The following STPG2 variants were observed in gnomAD, a reference collection of about 807,000 sequenced individuals.
STPG2 encodes sperm-tail PG-rich repeat-containing protein 2.
Under a neutral mutation model 54.2 loss-of-function variants are expected in STPG2, and 56 were observed. The observed-to-expected ratio is 1.03, with a 90% CI of 0.83 to 1.29. The LOEUF is 1.29. STPG2 is among the 50% of genes most tolerant of loss of function. STPG2 has a pLI of 0.00. For missense variants in STPG2, 596 were observed against 544.9 expected (o/e 1.09, Z -0.93); for synonymous variants, 200 against 181.8 (o/e 1.10, Z -0.81).
intron 4 of STPG2, among the ~76,000 whole-genome samples, chr4:97,470,690 GTCTT>G (rs1260450823): frequency 6.6e-6 from 1 of 151,880 alleles, no homozygotes; most frequent in Non-Finnish European, 1.5e-5. Flanking sequence ...TATGAATGTG[GTCTT>G]TCTCTTTCTC....
At chr4:97,966,324 A>C (rs55831140) in intron 7 of STPG2, among the ~76,000 whole-genome samples, 1,992 of 128,890 alleles carry the variant, frequency 0.015, 53 homozygotes, top group African/African-American at 0.056. Flanking sequence ...AAGTTTAGAG[A>C]AAAAAGAGTA....
chr4:98,033,688 T>C lies in STPG2; in HGVS notation c.613-52370A>G, dbSNP rs200927502. Among the ~76,000 whole-genome samples the C allele has an allele frequency of 2.0e-5, 3 of 152,138 alleles. No individual in the cohort carries two copies. In the South Asian group the frequency reaches 6.2e-4, roughly 32 times the overall value. On this transcript the variant is annotated intron_variant, in intron 5 of 10. Transcript: ENST00000295268. The stretch of plus-strand genomic sequence containing the variant: ...GGCCAATATCCCTGATGAACATCGA[T>C]GCGAAAATCCTCAATAAAATACTGG...
chr4:97,919,869 C>T (rs956410803), intron 8 of STPG2, among the ~76,000 whole-genome samples: 1 of 152,170 alleles, frequency 6.6e-6, no homozygotes, highest in Admixed American at 6.5e-5. Context: ...AGGACATTTG[C>T]ATTCCCTGTC....
chr4:97,937,013 C>T (rs1406449147), intron 8 of STPG2, among the ~76,000 whole-genome samples: 1 of 151,992 alleles, frequency 6.6e-6, no homozygotes, highest in African/African-American at 2.4e-5. Flanking sequence ...TCAAGTACTC[C>T]AATCAGTCAT....
At position 97,582,071 on chromosome 4, in the gene STPG2, C is replaced by T. The variant is rs1457742004; in HGVS notation, c.1321-22954G>A. On this transcript the variant is annotated intron_variant, in intron 10 of 10. Transcript: ENST00000295268. ...TTAAAATAATTTTCTTTTTGCCAAG[C>T]ATCTGCAGCTACATTCAACACTGGC... Among the ~76,000 whole-genome samples, 6 of 151,842 alleles carry T rather than the reference C, an allele frequency of 4.0e-5. No individual in the cohort carries two copies. In the South Asian group the frequency reaches 1.0e-3, roughly 26 times the overall value.
chr4:97,773,736 A>G (rs886804369), intron 9 of STPG2, among the ~76,000 whole-genome samples: 3 of 152,248 alleles, frequency 2.0e-5, no homozygotes, highest in Non-Finnish European at 4.4e-5. Flanking sequence ...ATAAACATTT[A>G]TATAATATTA....
At chr4:97,905,855 G>T (rs534934707) in intron 8 of STPG2, among the ~76,000 whole-genome samples, 107 of 152,124 alleles carry the variant, frequency 7.0e-4, no homozygotes, top group African/African-American at 2.5e-3. Flanking sequence ...TCTCTGGGAC[G>T]CATTCAAAGC....
chr4:97,959,107 T>C (rs1481337013), intron 7 of STPG2, among the ~76,000 whole-genome samples: 1 of 152,042 alleles, frequency 6.6e-6, no homozygotes, highest in Admixed American at 6.6e-5. Context: ...AATTAAATAA[T>C]ATGCTCCTGA....
At chr4:97,489,574 A>G (rs1019537410) in intron 4 of STPG2, among the ~76,000 whole-genome samples, 1 of 151,654 alleles carries the variant, frequency 6.6e-6, no homozygotes, top group Non-Finnish European at 1.5e-5. Context: ...TCTTAAATGA[A>G]GGGAGGACAA....
chr4:97,933,063 A>C (rs1271651528), intron 8 of STPG2, among the ~76,000 whole-genome samples: 7 of 152,124 alleles, frequency 4.6e-5, no homozygotes, highest in Non-Finnish European at 1.0e-4. Context: ...CACTATTCTG[A>C]CTGGCATAAG....
intron 5 of STPG2, among the ~76,000 whole-genome samples, chr4:98,009,808 G>A (rs1255176972): frequency 1.3e-5 from 2 of 151,972 alleles, no homozygotes; most frequent in African/African-American, 4.8e-5. Flanking sequence ...TGATGAGTTG[G>A]CCCCTTTATC....
chr4:97,634,947 C>T (rs929864651), intron 10 of STPG2, among the ~76,000 whole-genome samples: 3 of 152,144 alleles, frequency 2.0e-5, no homozygotes, highest in Non-Finnish European at 2.9e-5. Flanking sequence ...TTTCCCCAAT[C>T]TACCAAGGCA....
At chr4:97,960,511 C>A (rs1733844140) in intron 7 of STPG2, among the ~76,000 whole-genome samples, 1 of 152,086 alleles carries the variant, frequency 6.6e-6, no homozygotes, top group Non-Finnish European at 1.5e-5. Context: ...TTTCCAGATA[C>A]AAAATTAATG....
intron 8 of STPG2, among the ~76,000 whole-genome samples, chr4:97,899,675 A>G (rs1560577909): frequency 6.6e-6 from 1 of 152,144 alleles, no homozygotes; most frequent in African/African-American, 2.4e-5. Context: ...CTGCACATCT[A>G]CAACCATCTG....
intron 10 of STPG2, among the ~76,000 whole-genome samples, chr4:97,569,463 C>T (rs1468218032): frequency 3.3e-5 from 5 of 152,236 alleles, no homozygotes; most frequent in Middle Eastern, 6.8e-3. Flanking sequence ...TGCCTAACCT[C>T]CTGGAAATGC....
intron 9 of STPG2, among the ~76,000 whole-genome samples, chr4:97,734,307 G>A (rs1340602410): frequency 6.6e-6 from 1 of 152,018 alleles, no homozygotes; most frequent in Admixed American, 6.6e-5. Context: ...ACAGTTGCAG[G>A]TTTGTTACAT....
intron 8 of STPG2, among the ~76,000 whole-genome samples, chr4:97,869,718 T>C (rs1003991765): frequency 4.0e-5 from 6 of 151,658 alleles, no homozygotes; most frequent in Non-Finnish European, 8.9e-5. Context: ...TAGTCAAACA[T>C]AACCTTTAGA....
chr4:97,771,081 A>T (rs1726203545), intron 9 of STPG2, among the ~76,000 whole-genome samples: 2 of 152,130 alleles, frequency 1.3e-5, no homozygotes, highest in South Asian at 4.1e-4. Context: ...TTTGAGGAAA[A>T]TTCTATTATT....
chr4:97,488,089 C>T (rs1472276253), intron 4 of STPG2, among the ~76,000 whole-genome samples: 1 of 151,520 alleles, frequency 6.6e-6, no homozygotes, highest in Non-Finnish European at 1.5e-5. Context: ...ACATGTTCTT[C>T]ACACTTATGT....
Sources: allele counts gnomAD v4.1 joint callset (sites outside exome capture counted in the v4.1 genomes callset), GRCh38; gene constraint gnomAD v4.1.1; transcripts MANE v1.5; gene names NCBI Gene and HGNC (gene_info 2026-07-23, HGNC 2026-07-21).